Variants in MOGS observed in about 807,000 individuals in gnomAD.
MOGS encodes mannosyl-oligosaccharide glucosidase.
MOGS carries 45 observed loss-of-function variants against 68.5 expected under a neutral mutation model. That is an observed-to-expected ratio of 0.66 (90% CI 0.52 to 0.84). The LOEUF (loss-of-function observed/expected upper bound fraction) is 0.84. MOGS is among the 40% of genes least tolerant of loss of function. The pLI, the probability that MOGS is intolerant of heterozygous loss-of-function variation, is 0.00. For missense variants in MOGS, 1,020 were observed against 1,095.0 expected, an observed-to-expected ratio of 0.93 and a Z score of 0.97; for synonymous variants, 492 against 461.2, an observed-to-expected ratio of 1.07 and a Z score of -0.86.
chr2:74,464,820 C>A, intron 1 of MOGS, 76 bp downstream of exon 1: 2 of 1,560,260 alleles, frequency 1.3e-6, no homozygotes, highest in South Asian at 1.2e-5. Context: ...CCATTCCTTC[C>A]CACCCTTGCT....
At position 74,461,682 on chromosome 2, in the gene MOGS, C is replaced by G. The variant is rs1194369910; in HGVS notation, c.2107G>C (p.Asp703His). The G allele has an allele frequency of 2.5e-6, 4 of 1,614,070 alleles. No homozygotes were observed. Among genetic ancestry groups the G allele is most frequent in the Non-Finnish European group, 3.4e-6 (4 of 1,180,042 alleles). ...GGCCCAAGGCGGGATGAGGTGGGGT[C>G]CAGCAGTCGCAGCAGCAAGGGAAAA... ...SLFPLLLRLL[D>H]PTSSRLGPLL... The change falls in exon 4 of 4, where the codon GAC (aspartate) becomes CAC (histidine). Residue 703 changes from aspartate to histidine, a missense_variant. Physicochemically the swap from Asp to His is moderately conservative, Grantham distance 81. Transcript: ENST00000448666.
Position 74,461,350 on chromosome 2 carries a change from A to C in MOGS, c.2439T>G (p.Asp813Glu). 1 of 1,614,110 alleles carries C rather than the reference A, an allele frequency of 6.2e-7. No individual in the cohort carries two copies. The highest frequency in any genetic ancestry group is 8.5e-7 in the Non-Finnish European group (1 of 1,180,046). Reference sequence around the variant, plus strand: ...AAGGGCGGCAGCCCATGCCTCGCCCATCGCGGTCACTGTACTGCTCCCAAA... The same window carrying C: ...AAGGGCGGCAGCCCATGCCTCGCCCCTCGCGGTCACTGTACTGCTCCCAAA... ...GFLWEQYSDR[D>E]GRGMGCRPFH... Residue 813 changes from aspartate (D) to glutamate (E), a missense_variant, in exon 4 of 4, where the codon GAT (aspartate) becomes GAG (glutamate). Transcript: ENST00000448666.
chr2:74,462,328 C>T lies in MOGS; in HGVS notation c.1461G>A (p.Glu487=), dbSNP rs1240890677. 8 of 1,614,032 alleles carry T rather than the reference C, an allele frequency of 5.0e-6. No homozygotes were observed. Among genetic ancestry groups the T allele is most frequent in the Non-Finnish European group, 6.8e-6 (8 of 1,180,018 alleles). Residue 487 remains glutamate, a synonymous_variant, in exon 4 of 4, where the codon GAG becomes GAA. Transcript: ENST00000448666. ...LLNADGWIGR[E]QILGDEARAR... ...CTCGGGCCTCATCCCCCAGTATCTG[C>T]TCCCTCCCAATCCAGCCATCAGCAT...
Position 74,461,586 on chromosome 2 carries a change from T to C in MOGS, c.2203A>G (p.Ser735Gly). The change falls in exon 4 of 4, where the codon AGC becomes GGC. Residue 735 changes from serine to glycine, a missense_variant. Transcript: ENST00000448666. Reference sequence around the variant, plus strand: ...GAATTGCGCTGGCCATAAAAGGAGCTGGAGGCTGCAAGGGAGCGTAAACCA... The same window carrying C: ...GAATTGCGCTGGCCATAAAAGGAGCCGGAGGCTGCAAGGGAGCGTAAACCA... The part of the protein sequence containing the change: ...PFGLRSLAAS[S>G]SFYGQRNSEH... 6.2e-7 allele frequency: 1 copy of C among 1,613,930 alleles called. No homozygotes were observed.
chr2:74,462,120 G>A lies in MOGS; in HGVS notation c.1669C>T (p.Pro557Ser). ...WLHQSQAGPL[P>S]LSYRWRGRDP... ...CGTCCCCGCCAGCGGTAAGATAGTG[G>A]CAGTGGGCCTGCCTGGCTCTGATGG... Residue 557 changes from proline to serine, a missense_variant, in exon 4 of 4, where the codon CCA (proline) becomes TCA (serine). Physicochemically the swap from Pro to Ser is moderately conservative, Grantham distance 74. Transcript: ENST00000448666. The A allele has an allele frequency of 6.2e-7, 1 of 1,614,094 alleles. No homozygotes were observed. Among genetic ancestry groups the A allele is most frequent in the Admixed American group, 1.7e-5 (1 of 60,026 alleles).
Position 74,465,352 on chromosome 2 carries a change from C to A in MOGS, c.-105G>T. 1 of 573,726 alleles carries A rather than the reference C, an allele frequency of 1.7e-6. No individual in the cohort carries two copies. 35.5% of individuals were successfully genotyped at this position (573,726 alleles called of 1,614,324 possible). ...GCCTCTCGCCCTGGCGACCACCGTC[C>A]GGTTAGCGACACCTGCCAGCCAGCG... On this transcript the variant is annotated 5_prime_UTR_variant, in exon 1 of 4. Transcript: ENST00000448666.
At position 74,465,142 on chromosome 2, in the gene MOGS, C is replaced by T; in HGVS notation, c.106G>A (p.Gly36Arg). 2.0e-6 allele frequency: 3 copies of T among 1,532,180 alleles called. No homozygotes were observed. Among genetic ancestry groups the T allele is most frequent in the Non-Finnish European group, 2.6e-6 (3 of 1,144,936 alleles). 94.9% of individuals were successfully genotyped at this position (1,532,180 alleles called of 1,614,324 possible). Residue 36 changes from glycine to arginine, a missense_variant, in exon 1 of 4, where the codon GGG becomes AGG. By Grantham distance (125) the Gly-to-Arg change is moderately radical. This residue lies in a region of MOGS where 569 missense variants were observed against 571.9 expected (regional missense o/e 0.99). Transcript: ENST00000448666. The stretch of plus-strand genomic sequence containing the variant: ...ACTCCTCCAGCCGTGCTACGCGGCC[C>T]GCCGCCCCGGCCGTCCCGTCGCCCG... ...GPGRRDGRGG[G>R]PRSTAGGVAL...
rs778918995 is a variant in MOGS at position 74,463,029 on chromosome 2, T to C, written c.777-17A>G. 1.3e-5 allele frequency: 21 copies of C among 1,613,556 alleles called. No individual in the cohort carries two copies. The highest frequency in any genetic ancestry group is 2.2e-5 in the East Asian group (1 of 44,886). ...ACATTGTAGCTTGAAGGGGAGAAGA[T>C]AAATAGGAAATATTATTCAAGAGAA... On this transcript the variant is annotated splice_polypyrimidine_tract_variant and intron_variant, in intron 3 of 3. Transcript: ENST00000448666.
intron 2 of MOGS, 22 bp downstream of exon 2, chr2:74,464,474 A>G: frequency 6.2e-7 from 1 of 1,611,736 alleles, no homozygotes; most frequent in Non-Finnish European, 8.5e-7. Flanking sequence ...GGGCTGAGAA[A>G]AGGGTGTCCT....
rs774936693 is a variant in MOGS at position 74,465,149 on chromosome 2, C to T, written c.99G>A (p.Arg33=). ...CAGCCGTGCTACGCGGCCCGCCGCC[C>T]CGGCCGTCCCGTCGCCCGGGGCCTC... ...ARGGPGRRDG[R]GGGPRSTAGG... Residue 33 remains arginine, a synonymous_variant, in exon 1 of 4, where the codon CGG becomes CGA. Transcript: ENST00000448666. The T allele has an allele frequency of 6.5e-7, 1 of 1,531,204 alleles. No individual in the cohort carries two copies. The highest frequency in any genetic ancestry group is 1.4e-5 in the African/African-American group (1 of 71,818). 94.9% of individuals were successfully genotyped at this position (1,531,204 alleles called of 1,614,324 possible).
In MOGS at chr2:74,464,892, T is replaced by C. The variant is rs1261494747; in HGVS notation, c.352+4A>G. The C allele has an allele frequency of 6.2e-7, 1 of 1,605,744 alleles. No homozygotes were observed. Among genetic ancestry groups the C allele is most frequent in the African/African-American group, 1.3e-5 (1 of 74,950 alleles). ...CCTGCCTGCCCGCCCTGGGGCCCGGTTACCGGTGAGGAGGGGCTTCGGGCT... is the reference window on the plus strand; with the variant it reads ...CCTGCCTGCCCGCCCTGGGGCCCGGCTACCGGTGAGGAGGGGCTTCGGGCT... On this transcript the variant is annotated splice_donor_region_variant and intron_variant, in intron 1 of 3. Transcript: ENST00000448666.
rs763229955 is a variant in MOGS, at chr2:74,464,534, C to T, written c.541G>A (p.Gly181Arg). Residue 181 changes from glycine (G) to arginine (R), a missense_variant, in exon 2 of 4, where the codon GGA becomes AGA. Gly to Arg is a moderately radical substitution (Grantham distance 125). This residue lies in a region of MOGS where 569 missense variants were observed against 571.9 expected (regional missense o/e 0.99). Transcript: ENST00000448666. ...EFVKRPGGQH[G>R]GDWSWRVTVE... The stretch of plus-strand genomic sequence containing the variant: ...GTCACTCTCCAGCTCCAGTCCCCTC[C>T]GTGCTGACCCCCAGGCCTCTTGACG... The T allele has an allele frequency of 6.2e-7, 1 of 1,614,160 alleles. No homozygotes were observed. The highest frequency in any genetic ancestry group is 1.1e-5 in the South Asian group (1 of 91,082).
Position 74,462,628 on chromosome 2 carries a change from C to T in MOGS, c.1161G>A (p.Glu387=). 2.5e-6 allele frequency: 4 copies of T among 1,614,240 alleles called. No individual in the cohort carries two copies. The highest frequency in any genetic ancestry group is 3.4e-6 in the Non-Finnish European group (4 of 1,180,050). ...QLKEKGLSSG[E]QVLGQAALSG... ...TGAGGGCAGCCTGACCCAAAACCTG[C>T]TCGCCAGAGCTCAGGCCCTTCTCCT... Residue 387 remains glutamate (E), a synonymous_variant, in exon 4 of 4, where the codon GAG becomes GAA. Transcript: ENST00000448666.
rs1252560869 is a variant in MOGS, at chr2:74,465,100, C to T, written c.148G>A (p.Val50Ile). 6.5e-7 allele frequency: 1 copy of T among 1,548,962 alleles called. No homozygotes were observed. The highest frequency in any genetic ancestry group is 8.7e-7 in the Non-Finnish European group (1 of 1,150,304). The change falls in exon 1 of 4, where the codon GTC becomes ATC. Residue 50 changes from valine to isoleucine, a missense_variant. This residue lies in a region of MOGS where 569 missense variants were observed against 571.9 expected (regional missense o/e 0.99). Coordinates refer to ENST00000448666, the MANE Select transcript of MOGS (RefSeq NM_006302.3). The stretch of plus-strand genomic sequence containing the variant: ...GACATACCCAGGGCCAAAGACAGGA[C>T]CACGACGGCCAGAGCCACTCCTCCA... ...TAGGVALAVV[V>I]LSLALGMSGR... is the part of the protein sequence containing the mutation.
chr2:74,463,687 G>A (rs867616783), intron 2 of MOGS: 57 of 294,584 alleles, frequency 1.9e-4, no homozygotes, highest in African/African-American at 1.3e-3. Flanking sequence ...TTTTTGAGGC[G>A]GAGTCTCGCT....
At chr2:74,464,759 G>T (rs1672017938) in intron 1 of MOGS, 37 bp from the exon 2 acceptor site, 2 of 1,595,600 alleles carry the variant, frequency 1.3e-6, no homozygotes, top group South Asian at 1.1e-5. Context: ...AAAGAGCAGG[G>T]GACCTGTCCC....
At position 74,461,536 on chromosome 2, in the gene MOGS, C is replaced by G. The variant is rs1444718497; in HGVS notation, c.2253G>C (p.Arg751=). The G allele has an allele frequency of 6.2e-7, 1 of 1,613,986 alleles. No homozygotes were observed. The highest frequency in any genetic ancestry group is 1.1e-5 in the South Asian group (1 of 91,074). Residue 751 remains arginine (R), a synonymous_variant, in exon 4 of 4, where the codon CGG becomes CGC. Transcript: ENST00000448666. ...AGTTGACATTGAGCCACACAGCACCCCGCCAGTAGGGGGGATCATGCTCTG... is the reference window on the plus strand; with the variant it reads ...AGTTGACATTGAGCCACACAGCACCGCGCCAGTAGGGGGGATCATGCTCTG... ...RNSEHDPPYW[R]GAVWLNVNYL... is the part of the protein sequence containing the mutation.
At position 74,462,063 on chromosome 2, in the gene MOGS, T is replaced by TG; in HGVS notation, c.1725dup (p.Lys576GlnfsTer9). The TG allele has an allele frequency of 6.2e-7, 1 of 1,614,086 alleles. No homozygotes were observed. Among genetic ancestry groups the TG allele is most frequent in the Non-Finnish European group, 8.5e-7 (1 of 1,179,986 alleles). On this transcript the variant is annotated frameshift_variant, in exon 4 of 4. Coordinates refer to ENST00000448666, the MANE Select transcript of MOGS (RefSeq NM_006302.3). LOFTEE classifies it high-confidence loss of function. ...TCATCCAGCCCAGAGGGTAGGGTCT[T>TG]GGGGTTCAGTAAGGTTGGTAAGGCA...
At chr2:74,463,163 C>A (rs768338142) in intron 3 of MOGS, 27 bp downstream of exon 3, 1 of 1,613,576 alleles carries the variant, frequency 6.2e-7, no homozygotes, top group South Asian at 1.1e-5. Flanking sequence ...CCCCTTCCAT[C>A]CCCCAACATT....
Sources: gnomAD v4.1 joint callset for allele counts on GRCh38, gnomAD v4.1.1 for gene constraint, gnomAD v4.1.1 regional missense constraint, MANE v1.5 for transcripts, NCBI Gene and HGNC (gene_info 2026-07-23, HGNC 2026-07-21) for gene names.